RUFY4: variants seen among roughly 807,000 people sequenced by gnomAD.
RUFY4 encodes the protein RUN and FYVE domain containing 4, also known as RUN and FYVE domain-containing protein 4.
In RUFY4, 73 loss-of-function variants were observed where a neutral mutation model predicts 69.0. That is an observed-to-expected ratio of 1.06 (90% CI 0.88 to 1.29). The LOEUF (loss-of-function observed/expected upper bound fraction) is 1.29, where lower values mean the gene tolerates loss of function less well. RUFY4 is among the 50% of genes most tolerant of loss of function. The probability of loss-of-function intolerance (pLI) is 0.00; values close to 1 mark genes in which losing one functional copy is unlikely to be tolerated. For synonymous variants in RUFY4, 287 were observed against 271.8 expected, an observed-to-expected ratio of 1.06 and a Z score of -0.55; for missense variants, 770 against 705.6, an observed-to-expected ratio of 1.09 and a Z score of -1.03.
At chr2:218,090,128 G>T in exon 11 of RUFY4, 1 of 854,130 alleles carries the variant, frequency 1.2e-6, no homozygotes, top group Non-Finnish European at 1.8e-6. Context: ...CCTGCCCGTA[G>T]CTCTTCCCAG....
chr2:218,052,270 G>A (rs768979238), intron 2 of RUFY4, among the ~76,000 whole-genome samples: 6 of 152,148 alleles, frequency 3.9e-5, no homozygotes, highest in East Asian at 1.9e-4. Context: ...GGAGGACAAC[G>A]TGTCCTCCAG....
upstream of RUFY4, among the ~76,000 whole-genome samples, chr2:218,067,655 C>T (rs1388884290): frequency 6.6e-6 from 1 of 152,166 alleles, no homozygotes; most frequent in East Asian, 1.9e-4. Flanking sequence ...TCCCAAGAGG[C>T]CGCTTAGAAA....
In RUFY4 at chr2:218,060,480, G is replaced by A. The variant is rs1214322573; in HGVS notation, c.-1071+1799G>A. ...GGCAAAACTTCTGGCCAATGAAGGC[G>A]TAGATGAGGGGATTGAGGTAGCTGT... On this transcript the variant is annotated intron_variant and NMD_transcript_variant, in intron 3 of 13. Coordinates refer to the RUFY4 transcript ENST00000457754. 66 of 1,329,422 alleles carry A rather than the reference G, an allele frequency of 5.0e-5. 1 individual carries two copies. Among genetic ancestry groups the A allele is most frequent in the Admixed American group, 8.4e-5 (5 of 59,590 alleles). 82.4% of individuals were successfully genotyped at this position (1,329,422 alleles called of 1,614,324 possible).
chr2:218,075,483 G>A (rs543353047), exon 7 of RUFY4: 1 of 1,594,608 alleles, frequency 6.3e-7, no homozygotes, highest in Non-Finnish European at 8.5e-7. Context: ...AACAACAGAG[G>A]GGACTCACAA....
chr2:218,054,710 A>G (rs1315868896), intron 2 of RUFY4, among the ~76,000 whole-genome samples: 1 of 152,238 alleles, frequency 6.6e-6, no homozygotes, highest in African/African-American at 2.4e-5. Flanking sequence ...TATGATTTTT[A>G]TATCATTTGA....
At chr2:218,077,388 T>C (rs2106060248) in intron 8 of RUFY4, among the ~76,000 whole-genome samples, 1 of 152,102 alleles carries the variant, frequency 6.6e-6, no homozygotes, top group East Asian at 1.9e-4. Context: ...CTCTCTCTCT[T>C]TCTTTTTGTA....
At chr2:218,076,314 G>A (rs1349320821) in intron 7 of RUFY4, 113 bp from the exon 10 acceptor site, 44 of 1,455,184 alleles carry the variant, frequency 3.0e-5, no homozygotes, top group Non-Finnish European at 3.9e-5. Context: ...ACTGTCCCCA[G>A]CCCTGCCAGG....
At chr2:218,051,765 C>T (rs1423934506) in intron 2 of RUFY4, among the ~76,000 whole-genome samples, 2 of 152,030 alleles carry the variant, frequency 1.3e-5, no homozygotes, top group Non-Finnish European at 2.9e-5. Flanking sequence ...ATCAGGGGTA[C>T]CATGGCACAG....
intron 2 of RUFY4, among the ~76,000 whole-genome samples, chr2:218,056,988 C>G (rs893894440): frequency 2.6e-5 from 4 of 151,080 alleles, no homozygotes; most frequent in Non-Finnish European, 4.4e-5. Context: ...CTGAGGCAGG[C>G]GAATCTCTTG....
chr2:218,073,241 A>G lies in RUFY4; in HGVS notation c.387-2A>G, dbSNP rs1360182770. ...CAAGGGTTCTGATCACTGTTAACAC[A>G]GGGAATGGTATGGACCCCGGAGCCC... On this transcript the variant is annotated splice_acceptor_variant, in intron 4 of 10. Coordinates refer to ENST00000344321, the Ensembl canonical transcript of RUFY4. LOFTEE classifies it high-confidence loss of function. The G allele has an allele frequency of 1.9e-6, 3 of 1,550,756 alleles. No homozygotes were observed. The highest frequency in any genetic ancestry group is 2.6e-6 in the Non-Finnish European group (3 of 1,147,012).
upstream of RUFY4, among the ~76,000 whole-genome samples, chr2:218,067,745 C>T (rs1312440804): frequency 1.3e-5 from 2 of 152,218 alleles, no homozygotes; most frequent in Non-Finnish European, 2.9e-5. Context: ...ACACCTTCCC[C>T]TCCTTCTCGC....
chr2:218,053,495 G>A (rs1385220457), intron 2 of RUFY4, among the ~76,000 whole-genome samples: 3 of 151,722 alleles, frequency 2.0e-5, no homozygotes, highest in Admixed American at 6.6e-5. Flanking sequence ...ACAGGCATGC[G>A]CCACCACACC....
Position 218,084,094 on chromosome 2 carries a change from G to A in RUFY4, c.1502+838G>A, listed in dbSNP as rs766438448. ...GCTCACTGAGAGATGGGGAAGATGC[G>A]GAAAGCATAGTTCCTGCCCTTTAGT... On this transcript the variant is annotated intron_variant, in intron 9 of 10. Transcript: ENST00000344321. Among the ~76,000 whole-genome samples the A allele has an allele frequency of 7.2e-5, 11 of 152,136 alleles. No homozygotes were observed. The East Asian group carries it at 7.7e-4, about 11-fold the overall frequency.
chr2:218,070,365 C>A (rs997998484), upstream of RUFY4: 1 of 577,160 alleles, frequency 1.7e-6, no homozygotes, highest in Non-Finnish European at 3.1e-6. Context: ...AGCACAGTGT[C>A]GTCACCCAGG....
chr2:218,047,351 A>G (rs1478126133), intron 2 of RUFY4, among the ~76,000 whole-genome samples: 1 of 152,140 alleles, frequency 6.6e-6, no homozygotes, highest in Non-Finnish European at 1.5e-5. Flanking sequence ...TACTATGACC[A>G]CAAATAAAGT....
intron 6 of RUFY4, among the ~76,000 whole-genome samples, chr2:218,074,489 G>T (rs1467338353): frequency 1.3e-5 from 2 of 152,034 alleles, no homozygotes; most frequent in East Asian, 3.9e-4. Context: ...ACCCCCACCA[G>T]CTTCCAGGCA....
At chr2:218,081,969 C>G (rs1490097200) in intron 8 of RUFY4, among the ~76,000 whole-genome samples, 1 of 152,252 alleles carries the variant, frequency 6.6e-6, no homozygotes, top group East Asian at 1.9e-4. Flanking sequence ...AGGACACACA[C>G]TGGCACAGAC....
intron 2 of RUFY4, among the ~76,000 whole-genome samples, chr2:218,042,266 C>T (rs890015095): frequency 6.6e-6 from 1 of 152,130 alleles, no homozygotes; most frequent in African/African-American, 2.4e-5. Flanking sequence ...GGAGGTAGTG[C>T]CTGATTAAAA....
chr2:218,035,004 C>A (rs1253045626), exon 1 of RUFY4: 1 of 152,326 alleles, frequency 6.6e-6, no homozygotes, highest in African/African-American at 2.4e-5. Context: ...ATGGATCAGC[C>A]CCCATTTGGC....
Sources: gnomAD v4.1 joint callset for allele counts (sites outside exome capture counted in the v4.1 genomes callset) on GRCh38, gnomAD v4.1.1 for gene constraint, MANE v1.5 for transcripts, NCBI Gene and HGNC (gene_info 2026-07-23, HGNC 2026-07-21) for gene names.